Variants in HEPHL1 observed in about 807,000 individuals in gnomAD.
HEPHL1 encodes ferroxidase HEPHL1.
A neutral mutation model predicts 122.0 loss-of-function variants in HEPHL1; 123 were observed. That is an observed-to-expected ratio of 1.01 (90% CI 0.87 to 1.17). The LOEUF is 1.17. Among genes scored for constraint, HEPHL1 ranks in the 50% most tolerant of loss-of-function variants. The pLI is 0.00. For synonymous variants in HEPHL1, 527 were observed against 508.9 expected (o/e 1.04, Z -0.48); for missense variants, 1,452 against 1,430.5 (o/e 1.01, Z -0.24).
Position 94,100,409 on chromosome 11 carries a change from C to T in HEPHL1, c.2435-786C>T, listed in dbSNP as rs2134451251. Among the ~76,000 whole-genome samples, 3 of 152,230 alleles carry T rather than the reference C, an allele frequency of 2.0e-5. No homozygotes were observed. In the Middle Eastern group the frequency reaches 0.01, roughly 518 times the overall value. On this transcript the variant is annotated intron_variant, in intron 13 of 19. Coordinates refer to ENST00000315765, the MANE Select transcript of HEPHL1 (RefSeq NM_001098672.2). ...GGAGTCTACTGACCATGAAGCAGTGCACAAGTCATGCTGCCACAGGCCCTC... is the reference window on the plus strand; with the variant it reads ...GGAGTCTACTGACCATGAAGCAGTGTACAAGTCATGCTGCCACAGGCCCTC...
intron 6 of HEPHL1, among the ~76,000 whole-genome samples, chr11:94,071,055 T>C (rs188111688): frequency 6.6e-6 from 1 of 152,286 alleles, no homozygotes; most frequent in Non-Finnish European, 1.5e-5. Context: ...CTTACTCTAA[T>C]GTCACCTCTG....
At chr11:94,050,619 A>C (rs1945881429) in intron 2 of HEPHL1, among the ~76,000 whole-genome samples, 1 of 152,128 alleles carries the variant, frequency 6.6e-6, no homozygotes, top group Non-Finnish European at 1.5e-5. Flanking sequence ...ACATCATAGT[A>C]CATGGAGTAT....
chr11:94,084,305 C>A (rs1946198106), intron 10 of HEPHL1, among the ~76,000 whole-genome samples: 1 of 151,228 alleles, frequency 6.6e-6, no homozygotes, highest in Non-Finnish European at 1.5e-5. Context: ...TGCACTCCAG[C>A]CTGGGCAACA....
chr11:94,077,596 A>G (rs1946136594), intron 9 of HEPHL1, among the ~76,000 whole-genome samples: 1 of 152,208 alleles, frequency 6.6e-6, no homozygotes, highest in Non-Finnish European at 1.5e-5. Context: ...CACCCTCCCC[A>G]TGATTAATTT....
At chr11:94,027,005 G>GAGA (rs1945631154) in intron 1 of HEPHL1, among the ~76,000 whole-genome samples, 1 of 152,106 alleles carries the variant, frequency 6.6e-6, no homozygotes, top group African/African-American at 2.4e-5. Context: ...AGTTTTGGAG[G>GAGA]CCAGATGTCT....
At chr11:94,026,858 C>A (rs1223020963) in intron 1 of HEPHL1, among the ~76,000 whole-genome samples, 3 of 152,208 alleles carry the variant, frequency 2.0e-5, no homozygotes, top group South Asian at 4.1e-4. Flanking sequence ...GTAATTCAAT[C>A]TCTCTTTGCC....
Position 94,083,433 on chromosome 11 carries a change from C to T in HEPHL1, c.1867+865C>T, listed in dbSNP as rs551191806. On this transcript the variant is annotated intron_variant, in intron 10 of 19. Transcript: ENST00000315765. ...TTGTGAGTAACACAGGATGTCATTA[C>T]TCTTAGGCATATTACCTAAGGTAGC... Among the ~76,000 whole-genome samples the T allele has an allele frequency of 5.9e-5, 9 of 152,314 alleles. No individual in the cohort carries two copies. The South Asian group carries it at 1.9e-3, about 32-fold the overall frequency.
chr11:94,091,847 G>A (rs145536295), intron 12 of HEPHL1, among the ~76,000 whole-genome samples: 3 of 152,302 alleles, frequency 2.0e-5, no homozygotes, highest in South Asian at 2.1e-4. Context: ...GCCTGGAGGT[G>A]AGGGAGAGCA....
chr11:94,075,866 T>A (rs372228172), intron 9 of HEPHL1, among the ~76,000 whole-genome samples: 3 of 152,168 alleles, frequency 2.0e-5, no homozygotes, highest in Non-Finnish European at 4.4e-5. Context: ...TTAATCACTA[T>A]GGCTGAAGGA....
chr11:94,094,784 G>T (rs1946296471), intron 13 of HEPHL1, among the ~76,000 whole-genome samples: 2 of 152,198 alleles, frequency 1.3e-5, no homozygotes, highest in Non-Finnish European at 2.9e-5. Context: ...TCTGTTGGCT[G>T]CATAAATGTC....
intron 1 of HEPHL1, among the ~76,000 whole-genome samples, chr11:94,034,261 C>T (rs1399057682): frequency 1.3e-5 from 2 of 152,204 alleles, no homozygotes; most frequent in East Asian, 3.9e-4. Flanking sequence ...TAAGGTGGTT[C>T]CCATCTTCTG....
intron 1 of HEPHL1, among the ~76,000 whole-genome samples, chr11:94,031,726 G>A (rs530817028): frequency 3.9e-5 from 6 of 152,170 alleles, no homozygotes; most frequent in Non-Finnish European, 8.8e-5. Context: ...CTTCTCCATC[G>A]GGGGTCTAAA....
chr11:94,049,329 C>T (rs1278578101), intron 2 of HEPHL1, among the ~76,000 whole-genome samples: 1 of 151,342 alleles, frequency 6.6e-6, no homozygotes, highest in African/African-American at 2.4e-5. Context: ...CCCTCCAAAC[C>T]CAAAAAACAA....
At chr11:94,037,378 A>G (rs1247873049) in intron 1 of HEPHL1, among the ~76,000 whole-genome samples, 8 of 151,934 alleles carry the variant, frequency 5.3e-5, no homozygotes. Context: ...CAGCTCAAGG[A>G]GGCCTGCCTG....
chr11:94,070,333 ATCATTTATGC>A (rs1307431923), intron 5 of HEPHL1, 31 bp from the exon 6 acceptor site: 1 of 1,540,162 alleles, frequency 6.5e-7, no homozygotes, highest in East Asian at 2.4e-5. Context: ...TCCTTTTGTG[ATCATTTATGC>A]CTCAGCTCGT....
In HEPHL1 at chr11:94,106,131, G is replaced by A. The variant is rs1946406807; in HGVS notation, c.3045+1G>A. The A allele has an allele frequency of 6.4e-7, 1 of 1,551,816 alleles. No homozygotes were observed. Among genetic ancestry groups the A allele is most frequent in the East Asian group, 2.3e-5 (1 of 43,820 alleles). On this transcript the variant is annotated splice_donor_variant, in intron 17 of 19. Transcript: ENST00000315765. LOFTEE classifies it high-confidence loss of function. ...TCATGCTGAGAGCTTTCTTTTCAAA[G>A]TAAGTATAAGGAAAGTGCTTTGGGA...
chr11:94,091,115 A>T (rs1946261261), intron 12 of HEPHL1, among the ~76,000 whole-genome samples: 1 of 152,234 alleles, frequency 6.6e-6, no homozygotes, highest in East Asian at 1.9e-4. Context: ...ACCACTGCCT[A>T]TTGAGCAGCT....
intron 2 of HEPHL1, among the ~76,000 whole-genome samples, chr11:94,048,488 T>G (rs996331551): frequency 2.0e-5 from 3 of 152,102 alleles, no homozygotes; most frequent in African/African-American, 7.2e-5. Context: ...CCCTCCCAAG[T>G]AGCTGGGACC....
At chr11:94,037,687 C>T (rs1019241008) in intron 1 of HEPHL1, among the ~76,000 whole-genome samples, 5 of 152,038 alleles carry the variant, frequency 3.3e-5, no homozygotes, top group African/African-American at 9.7e-5. Context: ...AAATAACAAA[C>T]AGAAAGGACA....
Sources: allele counts gnomAD v4.1 joint callset (sites outside exome capture counted in the v4.1 genomes callset), GRCh38; gene constraint gnomAD v4.1.1; transcripts MANE v1.5; gene names NCBI Gene and HGNC (gene_info 2026-07-23, HGNC 2026-07-21).